The following KCNH5 variants were observed in gnomAD, a reference collection of about 807,000 sequenced individuals.
KCNH5 encodes voltage-gated delayed rectifier potassium channel KCNH5.
A neutral mutation model predicts 96.1 loss-of-function variants in KCNH5; 46 were observed. The observed-to-expected ratio is 0.48, with a 90% CI of 0.38 to 0.61. The LOEUF is 0.61. Among genes scored for constraint, KCNH5 ranks in the 20% least tolerant of loss-of-function variants. The pLI is 0.00. For missense variants in KCNH5, 907 were observed against 1,225.8 expected (o/e 0.74, Z 3.88); for synonymous variants, 439 against 449.8 (o/e 0.98, Z 0.30).
At chr14:63,000,091 G>A (rs986403237) in intron 4 of KCNH5, among the ~76,000 whole-genome samples, 3 of 152,108 alleles carry the variant, frequency 2.0e-5, no homozygotes, top group African/African-American at 4.8e-5. Flanking sequence ...TTATCCTCTC[G>A]CTATTTGATG....
intron 8 of KCNH5, among the ~76,000 whole-genome samples, chr14:62,823,423 A>T (rs1742710606): frequency 6.6e-6 from 1 of 152,082 alleles, no homozygotes; most frequent in African/African-American, 2.4e-5. Flanking sequence ...TAGAACACTG[A>T]GAGATTGGGG....
At chr14:62,754,651 T>A (rs971388012) in intron 10 of KCNH5, among the ~76,000 whole-genome samples, 2 of 151,912 alleles carry the variant, frequency 1.3e-5, no homozygotes, top group African/African-American at 4.8e-5. Flanking sequence ...GGTGGGCAGA[T>A]CACTTATGGT....
At chr14:62,739,728 G>A (rs567371022) in intron 10 of KCNH5, among the ~76,000 whole-genome samples, 31 of 152,106 alleles carry the variant, frequency 2.0e-4, no homozygotes, top group Admixed American at 5.9e-4. Context: ...CATTACATGC[G>A]GGCAAAAATT....
At chr14:62,919,004 T>C (rs1566707828) in intron 7 of KCNH5, among the ~76,000 whole-genome samples, 1 of 152,126 alleles carries the variant, frequency 6.6e-6, no homozygotes, top group African/African-American at 2.4e-5. Context: ...CCATACAAAG[T>C]AGCACTATAC....
chr14:62,935,786 T>C (rs970895512), intron 7 of KCNH5, among the ~76,000 whole-genome samples: 7 of 152,186 alleles, frequency 4.6e-5, no homozygotes, highest in Non-Finnish European at 8.8e-5. Context: ...AAATGGCAGC[T>C]TCAAGGGGCC....
chr14:62,781,812 A>G (rs1886224899), intron 9 of KCNH5, among the ~76,000 whole-genome samples: 1 of 152,168 alleles, frequency 6.6e-6, no homozygotes, highest in South Asian at 2.1e-4. Flanking sequence ...TGTGCAGTTA[A>G]TGCAATTATT....
intron 2 of KCNH5, among the ~76,000 whole-genome samples, chr14:63,015,543 T>C (rs1891310621): frequency 6.6e-6 from 1 of 152,008 alleles, no homozygotes; most frequent in Non-Finnish European, 1.5e-5. Flanking sequence ...CCTAGATTAT[T>C]CTTGGCTCAT....
intron 6 of KCNH5, among the ~76,000 whole-genome samples, chr14:62,980,092 T>C (rs1048215104): frequency 6.6e-6 from 1 of 152,176 alleles, no homozygotes; most frequent in Non-Finnish European, 1.5e-5. Context: ...CCTTTTTCTC[T>C]CCTGCCGCCA....
intron 1 of KCNH5, among the ~76,000 whole-genome samples, chr14:63,042,723 C>A (rs1160515640): frequency 6.6e-6 from 1 of 152,134 alleles, no homozygotes; most frequent in Non-Finnish European, 1.5e-5. Context: ...TTCTATTTCT[C>A]TGCCAAATCA....
rs77313780 is a variant in KCNH5 at position 62,969,949 on chromosome 14, A to G, written c.942+10923T>C. ...TGGTGGCATGCGCCTGTAGCATGAGAATCACTTGAGGCTGGGAGGCAGAGG... is the reference window on the plus strand; with the variant it reads ...TGGTGGCATGCGCCTGTAGCATGAGGATCACTTGAGGCTGGGAGGCAGAGG... On this transcript the variant is annotated intron_variant, in intron 6 of 10. Coordinates refer to ENST00000322893, the MANE Select transcript of KCNH5 (RefSeq NM_139318.5). Among the ~76,000 whole-genome samples the G allele has an allele frequency of 5.3e-3, 778 of 147,218 alleles. 5 individuals are homozygous for G. The highest frequency in any genetic ancestry group is 5.9e-3 in the Non-Finnish European group (394 of 66,916).
intron 7 of KCNH5, among the ~76,000 whole-genome samples, chr14:62,907,864 A>G (rs1889060135): frequency 6.6e-6 from 1 of 152,174 alleles, no homozygotes; most frequent in African/African-American, 2.4e-5. Context: ...TAAAGAACTT[A>G]GTGGATCAAC....
At chr14:62,765,801 T>C (rs1335270481) in intron 10 of KCNH5, among the ~76,000 whole-genome samples, 3 of 151,926 alleles carry the variant, frequency 2.0e-5, no homozygotes, top group African/African-American at 4.8e-5. Flanking sequence ...TCTTGAGCAA[T>C]ACCCCACAAG....
chr14:62,868,244 C>A (rs1888175458), intron 7 of KCNH5, among the ~76,000 whole-genome samples: 3 of 152,222 alleles, frequency 2.0e-5, no homozygotes, highest in Admixed American at 2.0e-4. Context: ...CAGGAACTTG[C>A]CCAGTCCCAG....
chr14:62,867,678 T>A (rs923320853), intron 7 of KCNH5, among the ~76,000 whole-genome samples: 2 of 152,152 alleles, frequency 1.3e-5, no homozygotes, highest in Non-Finnish European at 2.9e-5. Context: ...GGGGCTCTTA[T>A]CACAAGTAGA....
chr14:62,868,535 C>T (rs1052459117), intron 7 of KCNH5, among the ~76,000 whole-genome samples: 32 of 152,064 alleles, frequency 2.1e-4, no homozygotes, highest in African/African-American at 7.7e-4. Context: ...TCACATTGTG[C>T]TTTTAAAATT....
chr14:62,987,277 C>T (rs1447230009), intron 4 of KCNH5, 90 bp from the exon 5 acceptor site: 7 of 851,458 alleles, frequency 8.2e-6, no homozygotes, highest in African/African-American at 5.0e-5. Context: ...TCTCAGCAAC[C>T]ACATAACATC....
In KCNH5 at chr14:63,001,351, A is replaced by G. The variant is rs1249534925; in HGVS notation, c.413T>C (p.Ile138Thr). ...ATTACCTTTTGTTGAATCATCCTCT[A>G]TTGGCTGTTTGAACAACGTAATATC... ...FKDITLFKQP[I>T]EDDSTKGWTK... Residue 138 changes from isoleucine (I) to threonine (T), a missense_variant, in exon 4 of 11, where the codon ATA becomes ACA. Ile to Thr is a moderately conservative substitution (Grantham distance 89). Around this residue, in one of 6 missense-constraint regions of KCNH5, gnomAD observed 370 missense variants for 561.3 expected, o/e 0.66. Transcript: ENST00000322893. The G allele has an allele frequency of 3.1e-6, 5 of 1,609,394 alleles. No individual in the cohort carries two copies. The highest frequency in any genetic ancestry group is 1.7e-5 in the Admixed American group (1 of 59,112).
intron 5 of KCNH5, among the ~76,000 whole-genome samples, chr14:62,985,670 C>CAT (rs1890689928): frequency 6.6e-6 from 1 of 152,154 alleles, no homozygotes; most frequent in African/African-American, 2.4e-5. Context: ...GTTCTGTCCT[C>CAT]ATTTTTTTTC....
chr14:62,749,703 A>T (rs1325402794), intron 10 of KCNH5, among the ~76,000 whole-genome samples: 1 of 152,170 alleles, frequency 6.6e-6, no homozygotes, highest in Non-Finnish European at 1.5e-5. Flanking sequence ...GATTTCCCTT[A>T]GGGGCCACTC....
Sources: allele counts gnomAD v4.1 joint callset (sites outside exome capture counted in the v4.1 genomes callset), GRCh38; gene constraint gnomAD v4.1.1; regional missense constraint gnomAD v4.1.1; transcripts MANE v1.5; gene names NCBI Gene and HGNC (gene_info 2026-07-23, HGNC 2026-07-21).